DACH2: variants seen among roughly 807,000 people sequenced by gnomAD.
DACH2 encodes dachshund family transcription factor 2.
DACH2 carries 17 observed loss-of-function variants against 35.8 expected under a neutral mutation model. The ratio of observed to expected loss-of-function variants is 0.48; its 90% CI spans 0.33 to 0.71. DACH2 has a LOEUF of 0.71. Ranked by LOEUF, DACH2 falls within the 30% of genes least tolerant of loss-of-function variation. DACH2 has a pLI of 0.02. For missense variants in DACH2, 469 were observed against 472.7 expected, an observed-to-expected ratio of 0.99 and a Z score of 0.07; for synonymous variants, 195 against 177.3, an observed-to-expected ratio of 1.10 and a Z score of -0.79.
At chrX:86,661,925 A>C (rs1421792901) in intron 4 of DACH2, among the ~76,000 whole-genome samples, 1 of 112,005 alleles carries the variant, frequency 8.9e-6, no homozygotes, top group Non-Finnish European at 1.9e-5. Flanking sequence ...TTTTAGAGGC[A>C]AGCTGATCCT....
intron 11 of DACH2, chrX:86,829,344 A>C (rs771621503): frequency 8.9e-6 from 1 of 112,282 alleles, no homozygotes; most frequent in African/African-American, 3.2e-5. Context: ...CAGGTGACTA[A>C]AAATATAACA....
At chrX:86,441,010 T>G (rs1008736869) in intron 2 of DACH2, among the ~76,000 whole-genome samples, 1 of 110,894 alleles carries the variant, frequency 9.0e-6, no homozygotes, top group Non-Finnish European at 1.9e-5. Context: ...TCCTAGATGA[T>G]GGAAACCACT....
chrX:86,297,238 G>T (rs1031413711), intron 1 of DACH2, among the ~76,000 whole-genome samples: 2 of 110,031 alleles, frequency 1.8e-5, no homozygotes, highest in East Asian at 2.9e-4. Flanking sequence ...CTTTCCAAAG[G>T]CCAAGGGACA....
At chrX:86,316,367 A>G (rs2034906122) in intron 1 of DACH2, among the ~76,000 whole-genome samples, 1 of 106,677 alleles carries the variant, frequency 9.4e-6, no homozygotes, top group African/African-American at 3.4e-5. Context: ...CACCCAGGAG[A>G]CTCCCCACTC....
At chrX:86,358,250 T>C (rs1056171967) in intron 1 of DACH2, among the ~76,000 whole-genome samples, 8 of 111,610 alleles carry the variant, frequency 7.2e-5, no homozygotes, top group Non-Finnish European at 1.3e-4. Context: ...TTGTAAGAGA[T>C]AGAAAAAAAT....
intron 1 of DACH2, among the ~76,000 whole-genome samples, chrX:86,252,099 T>C (rs2033412996): frequency 9.0e-6 from 1 of 111,729 alleles, no homozygotes; most frequent in African/African-American, 3.2e-5. Context: ...TTAGTGACGT[T>C]GACCATTTTT....
chrX:86,654,310 A>G (rs1294534570), intron 4 of DACH2, among the ~76,000 whole-genome samples: 2 of 109,917 alleles, frequency 1.8e-5, no homozygotes, highest in Non-Finnish European at 3.8e-5. Flanking sequence ...GCAGCTTTAC[A>G]TCTCTTTTTC....
chrX:86,438,840 T>C (rs768263051), intron 2 of DACH2, among the ~76,000 whole-genome samples: 2 of 112,674 alleles, frequency 1.8e-5, no homozygotes, highest in Non-Finnish European at 3.7e-5. Context: ...CATTCTCTTT[T>C]CTCTGCAACC....
chrX:86,220,337 A>G (rs1422664443), intron 1 of DACH2, among the ~76,000 whole-genome samples: 1 of 111,530 alleles, frequency 9.0e-6, no homozygotes, highest in East Asian at 2.8e-4. Context: ...TATATTCATC[A>G]TGCATAACTG....
Position 86,243,050 on chromosome X carries a change from G to A in DACH2, c.488+93942G>A, listed in dbSNP as rs529273360. ...GTGAGAATGGACTAATATAGATGGGGGTCTCACTATGTTGACCAGGCTGGT... is the reference window on the plus strand; with the variant it reads ...GTGAGAATGGACTAATATAGATGGGAGTCTCACTATGTTGACCAGGCTGGT... On this transcript the variant is annotated intron_variant, in intron 1 of 11. Transcript: ENST00000373125. Among the ~76,000 whole-genome samples the A allele has an allele frequency of 6.7e-4, 75 of 111,305 alleles. No homozygotes were observed. The South Asian group carries it at 0.027, about 40-fold the overall frequency.
At chrX:86,419,773 T>C (rs1219090094) in intron 2 of DACH2, among the ~76,000 whole-genome samples, 3 of 112,027 alleles carry the variant, frequency 2.7e-5, no homozygotes, top group Non-Finnish European at 5.6e-5. Flanking sequence ...TAGTCACTTT[T>C]GTAGGTAATG....
intron 7 of DACH2, among the ~76,000 whole-genome samples, chrX:86,759,574 TA>T (rs1221648495): frequency 9.5e-4 from 102 of 107,505 alleles, no homozygotes; most frequent in African/African-American, 3.2e-3. Context: ...TTTTTTTTTT[TA>T]AAAATCCATT....
rs189369113 is a variant in DACH2 at position 86,802,061 on chromosome X, T to C, written c.1241-10795T>C. Among the ~76,000 whole-genome samples, 3 of 112,162 alleles carry C rather than the reference T, an allele frequency of 2.7e-5. No individual in the cohort carries two copies. The East Asian group carries it at 8.4e-4, about 32-fold the overall frequency. On this transcript the variant is annotated intron_variant, in intron 7 of 11. Transcript: ENST00000373125. ...TTAGGTATCATTTTTGAAACGATTT[T>C]TTGAAATGTGAAAAGTAACTAGTTA...
At chrX:86,174,738 A>G (rs1260864034) in intron 1 of DACH2, among the ~76,000 whole-genome samples, 1 of 111,744 alleles carries the variant, frequency 8.9e-6, no homozygotes, top group East Asian at 2.8e-4. Flanking sequence ...CAGTGGCATG[A>G]TCCATCATAG....
intron 1 of DACH2, among the ~76,000 whole-genome samples, chrX:86,295,078 G>A (rs781299703): frequency 3.5e-5 from 4 of 112,696 alleles, no homozygotes; most frequent in South Asian, 3.6e-4. Context: ...GCCAGACTCC[G>A]TGGGCGTAGG....
intron 3 of DACH2, among the ~76,000 whole-genome samples, chrX:86,547,768 T>C: frequency 8.9e-6 from 1 of 111,963 alleles, no homozygotes; most frequent in Non-Finnish European, 1.9e-5. Flanking sequence ...GCTAGCTCCA[T>C]TTCACATTAC....
chrX:86,806,625 A>G (rs1020817027), intron 7 of DACH2, among the ~76,000 whole-genome samples: 3 of 112,457 alleles, frequency 2.7e-5, no homozygotes, highest in Non-Finnish European at 5.6e-5. Context: ...AATGTTTTTA[A>G]TAACTTTGTG....
chrX:86,383,932 A>G (rs2036085847), intron 2 of DACH2, among the ~76,000 whole-genome samples: 3 of 111,171 alleles, frequency 2.7e-5, no homozygotes, highest in Admixed American at 1.9e-4. Context: ...TAATAATGCA[A>G]AGGTGTCTCA....
chrX:86,487,327 C>T (rs1438938142), intron 2 of DACH2, among the ~76,000 whole-genome samples: 2 of 111,269 alleles, frequency 1.8e-5, no homozygotes, highest in African/African-American at 3.3e-5. Context: ...GTTGTGAAGC[C>T]GGTATAACAT....
Sources: gnomAD v4.1 joint callset for allele counts (sites outside exome capture counted in the v4.1 genomes callset) on GRCh38, gnomAD v4.1.1 for gene constraint, MANE v1.5 for transcripts, NCBI Gene and HGNC (gene_info 2026-07-23, HGNC 2026-07-21) for gene names.